The following ZCCHC7 variants were observed in gnomAD, a reference collection of about 807,000 sequenced individuals.
ZCCHC7 encodes zinc finger CCHC-type containing 7, also known as zinc finger CCHC domain-containing protein 7.
Under a neutral mutation model 52.0 loss-of-function variants are expected in ZCCHC7, and 35 were observed. The observed-to-expected ratio is 0.67, with a 90% CI of 0.51 to 0.89. The LOEUF (loss-of-function observed/expected upper bound fraction) is 0.89. Ranked by LOEUF, ZCCHC7 falls within the 40% of genes least tolerant of loss-of-function variation. ZCCHC7 has a pLI of 0.00. For missense variants in ZCCHC7, 574 were observed against 649.1 expected (o/e 0.88, Z 1.26); for synonymous variants, 217 against 221.5 (o/e 0.98, Z 0.18).
At chr9:37,316,125 T>C (rs1369856689) in intron 5 of ZCCHC7, among the ~76,000 whole-genome samples, 1 of 151,244 alleles carries the variant, frequency 6.6e-6, no homozygotes, top group African/African-American at 2.5e-5. Context: ...AGTGGCGCAA[T>C]CTTGGCTCAC....
intron 5 of ZCCHC7, among the ~76,000 whole-genome samples, chr9:37,321,779 A>T (rs1307558699): frequency 2.0e-5 from 3 of 152,132 alleles, no homozygotes; most frequent in Non-Finnish European, 4.4e-5. Flanking sequence ...ATAAATAAAT[A>T]AAAATAAAAT....
intron 2 of ZCCHC7, among the ~76,000 whole-genome samples, chr9:37,135,240 A>T (rs895791563): frequency 1.3e-5 from 2 of 152,252 alleles, no homozygotes; most frequent in African/African-American, 2.4e-5. Flanking sequence ...GTGAATGAAT[A>T]GTAATTTAAA....
At position 37,307,133 on chromosome 9, in the gene ZCCHC7, A is replaced by G. The variant is rs536461752; in HGVS notation, c.951+1419A>G. ...TGCTGGTCTAATAGTCTAAGGAAAG[A>G]AGGACAAGGCAGCCATTACTTTAAA... is the stretch of plus-strand genomic sequence containing the variant. On this transcript the variant is annotated intron_variant, in intron 5 of 8. Coordinates refer to ENST00000336755, the MANE Select transcript of ZCCHC7 (RefSeq NM_032226.3). Among the ~76,000 whole-genome samples, 88 of 152,212 alleles carry G rather than the reference A, an allele frequency of 5.8e-4. 1 individual carries two copies. The South Asian group carries it at 0.017, about 30-fold the overall frequency.
At chr9:37,273,715 T>A (rs2133523219) in intron 2 of ZCCHC7, among the ~76,000 whole-genome samples, 1 of 152,364 alleles carries the variant, frequency 6.6e-6, no homozygotes. Context: ...CTATTTATAT[T>A]GCTGTTTCTC....
In ZCCHC7 at chr9:37,354,857, T is replaced by C; in HGVS notation, c.1198+33T>C. On this transcript the variant is annotated intron_variant, in intron 8 of 8. Transcript: ENST00000336755. The surrounding 1 kb of genome is among the most constrained non-coding windows in gnomAD (Gnocchi z 4.0). ...GCTAGACTTCTTGTTAGATCACATT[T>C]GCAGTAGTTTCTAAATTTCTTTGTT... 7.1e-7 allele frequency: 1 copy of C among 1,409,940 alleles called. No homozygotes were observed. Among genetic ancestry groups the C allele is most frequent in the South Asian group, 1.2e-5 (1 of 84,298 alleles). 87.3% of individuals were successfully genotyped at this position (1,409,940 alleles called of 1,614,324 possible).
In ZCCHC7 at chr9:37,222,328, AGTGTGTGTGTGT is replaced by A. The variant is rs74182938; in HGVS notation, c.611-79821_611-79810del. Among the ~76,000 whole-genome samples the A allele has an allele frequency of 5.9e-3, 782 of 133,092 alleles. 4 individuals are homozygous for A. Among genetic ancestry groups the A allele is most frequent in the Middle Eastern group, 0.023 (6 of 258 alleles). The allele number at this position is 133,092 out of a possible 152,430, so 87.3% of individuals were successfully genotyped here. ...AGGGATAAACAGACCAGAATAACAG[AGTGTGTGTGTGT>A]GTGTGTGTGTGTGTGTGTGTGTGTG... is the stretch of plus-strand genomic sequence containing the variant. On this transcript the variant is annotated intron_variant, in intron 2 of 8. Transcript: ENST00000336755.
rs149470296 is a variant in ZCCHC7, at chr9:37,345,931, C to G, written c.988-3426C>G. Among the ~76,000 whole-genome samples, 4 of 152,198 alleles carry G rather than the reference C, an allele frequency of 2.6e-5. No homozygotes were observed. In the East Asian group the frequency reaches 7.7e-4, roughly 29 times the overall value. The stretch of plus-strand genomic sequence containing the variant: ...AGTTTTTCATTTTAGGGAATAAGAG[C>G]TGAAAGTAAAGTTGTTTGAAGTAGT... On this transcript the variant is annotated intron_variant, in intron 6 of 8. Coordinates refer to ENST00000336755, the MANE Select transcript of ZCCHC7 (RefSeq NM_032226.3).
chr9:37,247,056 G>T (rs1008574403), intron 2 of ZCCHC7, among the ~76,000 whole-genome samples: 19 of 152,092 alleles, frequency 1.2e-4, no homozygotes, highest in Non-Finnish European at 4.4e-5. Flanking sequence ...CTGAAATTTT[G>T]TTATCTTTGA....
intron 2 of ZCCHC7, among the ~76,000 whole-genome samples, chr9:37,260,834 AC>A (rs1379386016): frequency 1.3e-5 from 2 of 152,198 alleles, no homozygotes; most frequent in Non-Finnish European, 2.9e-5. Flanking sequence ...ATTGAATCTG[AC>A]TGGGGTTCTA....
At position 37,349,356 on chromosome 9, in the gene ZCCHC7, G is replaced by C. The variant is rs944783493; in HGVS notation, c.988-1G>C. 3 of 1,613,698 alleles carry C rather than the reference G, an allele frequency of 1.9e-6. No homozygotes were observed. The highest frequency in any genetic ancestry group is 2.5e-6 in the Non-Finnish European group (3 of 1,179,832). The stretch of plus-strand genomic sequence containing the variant: ...AACCCTCACAAATATTCATGTTGCA[G>C]ACCAAACCTGGACCACCCAAAAAGC... On this transcript the variant is annotated splice_acceptor_variant, in intron 6 of 8. Coordinates refer to ENST00000336755, the MANE Select transcript of ZCCHC7 (RefSeq NM_032226.3). LOFTEE classifies it high-confidence loss of function.
chr9:37,235,514 C>A (rs1406516775), intron 2 of ZCCHC7, among the ~76,000 whole-genome samples: 7 of 116,490 alleles, frequency 6.0e-5, no homozygotes, highest in African/African-American at 2.3e-4. Flanking sequence ...TCTCCCTTCC[C>A]CTCTCCCCTC....
chr9:37,244,258 AAAAG>A lies in ZCCHC7; in HGVS notation c.611-57919_611-57916del, dbSNP rs370090025. 9.0e-4 allele frequency among the ~76,000 whole-genome samples: 137 copies of A among 151,440 alleles called. 1 individual carries two copies. Among genetic ancestry groups the A allele is most frequent in the African/African-American group, 2.1e-3 (88 of 41,468 alleles). ...ATGTCTTCGTTTAAAGAAAAAAAAA[AAAAG>A]AAAGAAAGAAGAAAAAGACTGCCCC... On this transcript the variant is annotated intron_variant, in intron 2 of 8. Coordinates refer to ENST00000336755, the MANE Select transcript of ZCCHC7 (RefSeq NM_032226.3).
At chr9:37,179,017 G>A (rs1364821376) in intron 2 of ZCCHC7, among the ~76,000 whole-genome samples, 1 of 151,874 alleles carries the variant, frequency 6.6e-6, no homozygotes, top group African/African-American at 2.4e-5. Context: ...ATATTATGTG[G>A]TCATTATTTC....
At chr9:37,163,461 A>G (rs1421823959) in intron 2 of ZCCHC7, among the ~76,000 whole-genome samples, 1 of 151,896 alleles carries the variant, frequency 6.6e-6, no homozygotes, top group Non-Finnish European at 1.5e-5. Context: ...GTTTGCACTC[A>G]TACTGCAGCA....
chr9:37,261,552 C>G (rs1182007790), intron 2 of ZCCHC7, among the ~76,000 whole-genome samples: 1 of 152,168 alleles, frequency 6.6e-6, no homozygotes, highest in Non-Finnish European at 1.5e-5. Context: ...GATACTGATT[C>G]CTTGTGTTCT....
intron 6 of ZCCHC7, among the ~76,000 whole-genome samples, chr9:37,342,603 A>G (rs1820709847): frequency 6.6e-6 from 1 of 152,220 alleles, no homozygotes; most frequent in Non-Finnish European, 1.5e-5. Flanking sequence ...GAAATAGCCT[A>G]TGAGGTGGAA....
intron 2 of ZCCHC7, among the ~76,000 whole-genome samples, chr9:37,217,382 CTA>C (rs1824562847): frequency 6.6e-6 from 1 of 151,988 alleles, no homozygotes; most frequent in Admixed American, 6.6e-5. Flanking sequence ...CTGTTTTAGT[CTA>C]TGTGAGTCAT....
chr9:37,166,773 C>T (rs1588414430), intron 2 of ZCCHC7, among the ~76,000 whole-genome samples: 1 of 152,172 alleles, frequency 6.6e-6, no homozygotes, highest in East Asian at 1.9e-4. Flanking sequence ...AAAATACGTT[C>T]TGATTTCCTT....
chr9:37,138,699 A>ATT (rs538339919), intron 2 of ZCCHC7, among the ~76,000 whole-genome samples: 3 of 134,062 alleles, frequency 2.2e-5, no homozygotes, highest in African/African-American at 2.7e-5. Context: ...ACAGGTTTGT[A>ATT]TTTTTTTTTT....
Sources: allele counts gnomAD v4.1 joint callset (sites outside exome capture counted in the v4.1 genomes callset), GRCh38; gene constraint gnomAD v4.1.1; non-coding constraint Gnocchi (gnomAD v3.1); transcripts MANE v1.5; gene names NCBI Gene and HGNC (gene_info 2026-07-23, HGNC 2026-07-21).